The following TCF21 variants were observed in gnomAD, a reference collection of about 807,000 sequenced individuals.
TCF21 encodes the protein transcription factor 21, also known as capsulin.
In TCF21, 3 loss-of-function variants were observed where a neutral mutation model predicts 13.5. The observed-to-expected ratio is 0.22, with a 90% CI of 0.10 to 0.57. The LOEUF is 0.57. Among genes scored for constraint, TCF21 ranks in the 20% least tolerant of loss-of-function variants. The pLI, the probability that TCF21 is intolerant of heterozygous loss-of-function variation, is 0.92. For missense variants in TCF21, 181 were observed against 238.4 expected, an observed-to-expected ratio of 0.76 and a Z score of 1.59; for synonymous variants, 92 against 101.7, an observed-to-expected ratio of 0.90 and a Z score of 0.57.
chr6:133,893,481 A>C (rs1190919962), downstream of TCF21: 2 of 152,238 alleles, frequency 1.3e-5, no homozygotes, highest in African/African-American at 4.8e-5. Context: ...TTGACTTTCA[A>C]GAACACATTT....
At position 133,889,896 on chromosome 6, in the gene TCF21, C is replaced by T. The variant is rs777377623; in HGVS notation, c.450+49C>T. 2.5e-6 allele frequency: 4 copies of T among 1,604,230 alleles called. No homozygotes were observed. The highest frequency in any genetic ancestry group is 2.6e-6 in the Non-Finnish European group (3 of 1,173,212). On this transcript the variant is annotated intron_variant, in intron 1 of 1. Coordinates refer to ENST00000367882, the MANE Select transcript of TCF21 (RefSeq NM_003206.4). This position sits in a 1 kb window ranked among gnomAD's most constrained non-coding sequence, Gnocchi z 5.1. Reference sequence around the variant, plus strand: ...TGCAGTCCAGGCGCGCCCGCACTCCCGCCTGCGGTGGGCGCGAGTGCGCGC... The same window carrying T: ...TGCAGTCCAGGCGCGCCCGCACTCCTGCCTGCGGTGGGCGCGAGTGCGCGC...
rs763256166 is a variant in TCF21 at position 133,889,864 on chromosome 6, C to T, written c.450+17C>T. On this transcript the variant is annotated intron_variant, in intron 1 of 1. Coordinates refer to ENST00000367882, the MANE Select transcript of TCF21 (RefSeq NM_003206.4). The surrounding 1 kb of genome is among the most constrained non-coding windows in gnomAD (Gnocchi z 5.1). ...GTCAACCTGGTGAGTGCTCCCGGGGCTGCAGCTGCAGTCCAGGCGCGCCCG... is the reference window on the plus strand; with the variant it reads ...GTCAACCTGGTGAGTGCTCCCGGGGTTGCAGCTGCAGTCCAGGCGCGCCCG... 4.3e-6 allele frequency: 7 copies of T among 1,612,404 alleles called. No homozygotes were observed. The highest frequency in any genetic ancestry group is 3.3e-5 in the Admixed American group (2 of 60,030).
downstream of TCF21, chr6:133,893,349 G>T (rs1476046914): frequency 6.6e-6 from 1 of 152,332 alleles, no homozygotes; most frequent in Non-Finnish European, 1.5e-5. Flanking sequence ...ATTACCAAGC[G>T]CAATTCCCCA....
At chr6:133,891,651 C>T (rs13217297) in intron 1 of TCF21, 62 bp from the exon 2 acceptor site, 22 of 1,515,504 alleles carry the variant, frequency 1.5e-5, no homozygotes, top group Non-Finnish European at 2.0e-5. Flanking sequence ...TCTCAGGCCC[C>T]GAGTCCACCC....
rs1775206677 is a variant in TCF21, at chr6:133,890,971, G to C, written c.451-742G>C. On this transcript the variant is annotated intron_variant, in intron 1 of 1. Coordinates refer to ENST00000367882, the MANE Select transcript of TCF21 (RefSeq NM_003206.4). ...TAAAATCTCCACCTAAAATGAAAGT[G>C]TTGCCTCGAATATTTACAACTGCTA... 2.6e-5 allele frequency among the ~76,000 whole-genome samples: 4 copies of C among 152,126 alleles called. No homozygotes were observed. In the South Asian group the frequency reaches 8.3e-4, roughly 31 times the overall value.
At position 133,889,250 on chromosome 6, in the gene TCF21, C is replaced by T; in HGVS notation, c.-148C>T. 9.6e-7 allele frequency: 1 copy of T among 1,037,542 alleles called. No homozygotes were observed. The highest frequency in any genetic ancestry group is 1.5e-6 in the Non-Finnish European group (1 of 682,704). 64.3% of individuals were successfully genotyped at this position (1,037,542 alleles called of 1,614,324 possible). A position where few individuals can be genotyped will look rare whatever the true frequency, so the allele number is the denominator to read the frequency against. ...AAGGGTTGTGAGACCCAACCAGACC[C>T]CAACTCCAGCTCCCAGCAGGAGGTG... On this transcript the variant is annotated 5_prime_UTR_variant, in exon 1 of 2. Transcript: ENST00000367882. This position sits in a 1 kb window ranked among gnomAD's most constrained non-coding sequence, Gnocchi z 5.1.
chr6:133,891,868 T>C lies in TCF21; in HGVS notation c.*66T>C, dbSNP rs1775224904. On this transcript the variant is annotated 3_prime_UTR_variant, in exon 2 of 2. Coordinates refer to ENST00000367882, the MANE Select transcript of TCF21 (RefSeq NM_003206.4). ...GAGCGGGCCCCGGGAAGGCGACCCC[T>C]GCCCTCAGTGCTCTCTGTCTCTGCT... is the stretch of plus-strand genomic sequence containing the variant. 1 of 1,517,774 alleles carries C rather than the reference T, an allele frequency of 6.6e-7. No individual in the cohort carries two copies. Among genetic ancestry groups the C allele is most frequent in the African/African-American group, 1.4e-5 (1 of 72,732 alleles). The allele number at this position is 1,517,774 out of a possible 1,614,324, so 94.0% of individuals were successfully genotyped here. A position where few individuals can be genotyped will look rare whatever the true frequency, so the allele number is the denominator to read the frequency against.
In TCF21 at chr6:133,889,957, T is replaced by A; in HGVS notation, c.450+110T>A. 7.9e-7 allele frequency: 1 copy of A among 1,270,750 alleles called. No individual in the cohort carries two copies. The allele number at this position is 1,270,750 out of a possible 1,614,324, so 78.7% of individuals were successfully genotyped here. A position where few individuals can be genotyped will look rare whatever the true frequency, so the allele number is the denominator to read the frequency against. On this transcript the variant is annotated intron_variant, in intron 1 of 1. Transcript: ENST00000367882. This position sits in a 1 kb window ranked among gnomAD's most constrained non-coding sequence, Gnocchi z 5.1. ...GTGGGGGTGTGGGCGCGGCGGTGAC[T>A]TACACATCTCGACCACCGCGGGCCT...
At position 133,889,488 on chromosome 6, in the gene TCF21, T is replaced by C. The variant is rs1317929264; in HGVS notation, c.91T>C (p.Phe31Leu). The change falls in exon 1 of 2, where the codon TTT (phenylalanine) becomes CTT (leucine). Residue 31 changes from phenylalanine (F) to leucine (L), a missense_variant. Physicochemically the swap from Phe to Leu is conservative, Grantham distance 22. Around this residue, in one of 3 missense-constraint regions of TCF21, gnomAD observed 91 missense variants for 98.5 expected, o/e 0.92. Coordinates refer to ENST00000367882, the MANE Select transcript of TCF21 (RefSeq NM_003206.4). This position sits in a 1 kb window ranked among gnomAD's most constrained non-coding sequence, Gnocchi z 5.1. ...DGLKMDSNKE[F>L]VTSNESTEES... ...GTTGAAAATGGATTCGAACAAGGAA[T>C]TTGTGACTTCCAACGAGAGCACCGA... 1.9e-6 allele frequency: 3 copies of C among 1,613,470 alleles called. No individual in the cohort carries two copies. Among genetic ancestry groups the C allele is most frequent in the Non-Finnish European group, 2.5e-6 (3 of 1,179,894 alleles).
chr6:133,889,667 C>T lies in TCF21; in HGVS notation c.270C>T (p.Ala90=), dbSNP rs3777890. The change falls in exon 1 of 2, where the codon GCC becomes GCT. Residue 90 remains alanine (A), a synonymous_variant. Coordinates refer to ENST00000367882, the MANE Select transcript of TCF21 (RefSeq NM_003206.4). The surrounding 1 kb of genome is among the most constrained non-coding windows in gnomAD (Gnocchi z 5.1). ...ACGCCGCCAACGCGCGAGAGCGGGC[C>T]CGCATGCGAGTGCTGAGCAAGGCCT... ...QRNAANARER[A]RMRVLSKAFS... 14,080 of 1,613,866 alleles carry T rather than the reference C, an allele frequency of 8.7e-3. 108 individuals are homozygous for T. The highest frequency in any genetic ancestry group is 0.016 in the South Asian group (1,465 of 91,078).
At chr6:133,893,594 G>A (rs917692593), downstream of TCF21, 2 of 152,114 alleles carry the variant, frequency 1.3e-5, no homozygotes, top group Non-Finnish European at 2.9e-5. Flanking sequence ...AAATCAAAGA[G>A]TCCCCAGTGT....
At position 133,891,931 on chromosome 6, in the gene TCF21, G is replaced by A; in HGVS notation, c.*129G>A. 1.1e-6 allele frequency: 1 copy of A among 908,946 alleles called. No homozygotes were observed. The highest frequency in any genetic ancestry group is 1.7e-6 in the Non-Finnish European group (1 of 599,048). The allele number at this position is 908,946 out of a possible 1,614,324, so 56.3% of individuals were successfully genotyped here. A position where few individuals can be genotyped will look rare whatever the true frequency, so the allele number is the denominator to read the frequency against. On this transcript the variant is annotated 3_prime_UTR_variant, in exon 2 of 2. Coordinates refer to ENST00000367882, the MANE Select transcript of TCF21 (RefSeq NM_003206.4). ...TGCTCCTCTCTCTGTCCCACCCCGC[G>A]AGAACACTTTACAACGACGAGGAGA...
In TCF21 at chr6:133,891,804, C is replaced by T; in HGVS notation, c.*2C>T. On this transcript the variant is annotated 3_prime_UTR_variant, in exon 2 of 2. Transcript: ENST00000367882. Reference sequence around the variant, plus strand: ...TTATGTGGAACCACCGCGTCCTGACCTTGGAGGTGCGAGTCTGGGAAAGGC... The same window carrying T: ...TTATGTGGAACCACCGCGTCCTGACTTTGGAGGTGCGAGTCTGGGAAAGGC... 1 of 1,613,872 alleles carries T rather than the reference C, an allele frequency of 6.2e-7. No homozygotes were observed. The highest frequency in any genetic ancestry group is 2.2e-5 in the East Asian group (1 of 44,862).
rs752571359 is a variant in TCF21, at chr6:133,889,960, C to G, written c.450+113C>G. ...GGGGTGTGGGCGCGGCGGTGACTTA[C>G]ACATCTCGACCACCGCGGGCCTAGA... On this transcript the variant is annotated intron_variant, in intron 1 of 1. Coordinates refer to ENST00000367882, the MANE Select transcript of TCF21 (RefSeq NM_003206.4). The surrounding 1 kb of genome is among the most constrained non-coding windows in gnomAD (Gnocchi z 5.1). 6 of 1,214,964 alleles carry G rather than the reference C, an allele frequency of 4.9e-6. No homozygotes were observed. Among genetic ancestry groups the G allele is most frequent in the Non-Finnish European group, 7.2e-6 (6 of 837,200 alleles). The allele number at this position is 1,214,964 out of a possible 1,614,324, so 75.3% of individuals were successfully genotyped here.
downstream of TCF21, chr6:133,895,444 C>T (rs1353596900): frequency 6.6e-6 from 1 of 152,228 alleles, no homozygotes; most frequent in East Asian, 1.9e-4. Context: ...GTTTAATTCA[C>T]TCCAGGATGG....
chr6:133,895,033 C>CTT (rs1257892196), downstream of TCF21: 1 of 152,148 alleles, frequency 6.6e-6, no homozygotes, highest in African/African-American at 2.4e-5. Flanking sequence ...CTCTCTCTCT[C>CTT]TCTCTCATTG....
chr6:133,894,647 G>A (rs1775273784), downstream of TCF21: 1 of 152,800 alleles, frequency 6.5e-6, no homozygotes, highest in Admixed American at 6.5e-5. Context: ...CTCTCCTCCG[G>A]TCTTCCCAGA....
downstream of TCF21, chr6:133,892,715 T>C (rs1394811719): frequency 6.6e-6 from 1 of 152,250 alleles, no homozygotes; most frequent in African/African-American, 2.4e-5. Flanking sequence ...AGGGTGTGTT[T>C]CAGGATTTTC....
chr6:133,892,499 G>A (rs929389529), downstream of TCF21: 1 of 152,156 alleles, frequency 6.6e-6, no homozygotes, highest in Admixed American at 6.5e-5. Flanking sequence ...CAAAGAATGG[G>A]CAGTATTAAA....
Sources: gnomAD v4.1 joint callset for allele counts (sites outside exome capture counted in the v4.1 genomes callset) on GRCh38, gnomAD v4.1.1 for gene constraint, gnomAD v4.1.1 regional missense constraint, Gnocchi (gnomAD v3.1) non-coding constraint, MANE v1.5 for transcripts, NCBI Gene and HGNC (gene_info 2026-07-23, HGNC 2026-07-21) for gene names.